Variants in RIMS2 observed in about 807,000 individuals in gnomAD.
The protein encoded by RIMS2 is regulating synaptic membrane exocytosis protein 2.
RIMS2 carries 59 observed loss-of-function variants against 174.4 expected under a neutral mutation model. The ratio of observed to expected loss-of-function variants is 0.34; its 90% confidence interval spans 0.27 to 0.42. The LOEUF (loss-of-function observed/expected upper bound fraction) is 0.42, where lower values mean the gene tolerates loss of function less well. Among genes scored for constraint, RIMS2 ranks in the 10% least tolerant of loss-of-function variants. The pLI is 1.00. For missense variants in RIMS2, 1,620 were observed against 1,666.3 expected (o/e 0.97, Z 0.48); for synonymous variants, 606 against 572.5 (o/e 1.06, Z -0.84).
chr8:103,547,864 C>T (rs530066391), intron 1 of RIMS2, among the ~76,000 whole-genome samples: 38 of 152,222 alleles, frequency 2.5e-4, no homozygotes, highest in Admixed American at 2.3e-3. Context: ...AAAAAACCTT[C>T]AGAAACTATG....
chr8:104,232,635 A>G (rs2099236818), intron 19 of RIMS2, among the ~76,000 whole-genome samples: 1 of 152,186 alleles, frequency 6.6e-6, no homozygotes, highest in African/African-American at 2.4e-5. Flanking sequence ...AGCTTGCACC[A>G]TTGTCAGGAC....
intron 1 of RIMS2, among the ~76,000 whole-genome samples, chr8:103,601,365 A>G (rs2094728739): frequency 6.6e-6 from 1 of 152,152 alleles, no homozygotes; most frequent in African/African-American, 2.4e-5. Flanking sequence ...TTGGTTGCGT[A>G]TATATTTACA....
intron 1 of RIMS2, among the ~76,000 whole-genome samples, chr8:103,581,348 A>C (rs1199083114): frequency 2.6e-5 from 4 of 152,218 alleles, no homozygotes; most frequent in Admixed American, 2.0e-4. Context: ...ATAATACATC[A>C]CATTAAAAGA....
At chr8:103,793,071 A>G (rs1386827439) in intron 3 of RIMS2, among the ~76,000 whole-genome samples, 1 of 152,204 alleles carries the variant, frequency 6.6e-6, no homozygotes, top group East Asian at 1.9e-4. Context: ...AATCCTCCCT[A>G]ACTCATTGTA....
rs184649531 is a variant in RIMS2, at chr8:104,179,504, T to C, written c.3335-65412T>C. ...GAATCCATTTTCACTTGATAAAATA[T>C]GGGATTTTGTGAATAATTTTATATA... On this transcript the variant is annotated intron_variant, in intron 19 of 23. Transcript: ENST00000504942. Among the ~76,000 whole-genome samples, 7 of 152,022 alleles carry C rather than the reference T, an allele frequency of 4.6e-5. No individual in the cohort carries two copies. In the East Asian group the frequency reaches 1.4e-3, roughly 29 times the overall value.
At chr8:103,880,538 A>G (rs937795667) in intron 3 of RIMS2, 9 of 401,400 alleles carry the variant, frequency 2.2e-5, no homozygotes, top group African/African-American at 1.7e-4. Flanking sequence ...ATTGTAAACA[A>G]GTAGAGACTT....
chr8:104,201,669 A>G (rs2099055534), intron 19 of RIMS2, among the ~76,000 whole-genome samples: 1 of 152,160 alleles, frequency 6.6e-6, no homozygotes. Flanking sequence ...GAAATGAGAA[A>G]CATGTTCACT....
chr8:104,065,160 G>T (rs531952359), intron 19 of RIMS2, among the ~76,000 whole-genome samples: 2 of 152,066 alleles, frequency 1.3e-5, no homozygotes, highest in Admixed American at 1.3e-4. Context: ...GGTTTTTGAG[G>T]GCCTTGTATA....
intron 16 of RIMS2, among the ~76,000 whole-genome samples, chr8:103,984,000 C>T (rs759981773): frequency 8.6e-5 from 13 of 151,844 alleles, no homozygotes; most frequent in Admixed American, 2.6e-4. Context: ...GGTGAAACCC[C>T]GTCTCTACTA....
intron 2 of RIMS2, among the ~76,000 whole-genome samples, 181 bp from the exon 5 acceptor site, chr8:103,716,128 A>AT (rs1381330818): frequency 6.6e-6 from 1 of 151,952 alleles, no homozygotes; most frequent in Non-Finnish European, 1.5e-5. Flanking sequence ...CTCCCCTAAA[A>AT]TTTTTTAAAA....
chr8:103,816,786 G>A (rs563257428), intron 3 of RIMS2, among the ~76,000 whole-genome samples: 3 of 152,262 alleles, frequency 2.0e-5, no homozygotes, highest in Admixed American at 6.5e-5. Flanking sequence ...TTGATGTATC[G>A]TTGACTCTTT....
rs73293830 is a variant in RIMS2, at chr8:103,856,328, A to G, written c.699-28970A>G. Among the ~76,000 whole-genome samples the G allele has an allele frequency of 9.1e-4, 138 of 152,274 alleles. 1 individual carries two copies. The highest frequency in any genetic ancestry group is 3.0e-3 in the African/African-American group (125 of 41,566). ...CACATAAGCTGGGTCTCTTGAAGCCAGAGATGGTTGGAGCTTGTCTTTTTA... is the reference window on the plus strand; with the variant it reads ...CACATAAGCTGGGTCTCTTGAAGCCGGAGATGGTTGGAGCTTGTCTTTTTA... On this transcript the variant is annotated intron_variant, in intron 3 of 23. Coordinates refer to ENST00000504942, the Ensembl canonical transcript of RIMS2.
At chr8:103,667,745 C>T (rs1202447919) in intron 1 of RIMS2, among the ~76,000 whole-genome samples, 7 of 152,140 alleles carry the variant, frequency 4.6e-5, no homozygotes, top group African/African-American at 1.7e-4. Flanking sequence ...GATCTGTGAT[C>T]TTTGGAAAGC....
chr8:103,543,935 T>G (rs56305252), intron 1 of RIMS2, among the ~76,000 whole-genome samples: 18,884 of 152,234 alleles, frequency 0.12, 1,267 homozygotes, highest in Middle Eastern at 0.22. Context: ...GTGCAATGAT[T>G]TTTTTAGATA....
At chr8:103,743,346 T>C (rs1052390653) in intron 2 of RIMS2, among the ~76,000 whole-genome samples, 1 of 152,212 alleles carries the variant, frequency 6.6e-6, no homozygotes, top group Non-Finnish European at 1.5e-5. Flanking sequence ...AAAATTATGA[T>C]GACTCCAGAA....
intron 2 of RIMS2, among the ~76,000 whole-genome samples, chr8:103,734,893 C>CA (rs1371189749): frequency 1.3e-5 from 2 of 151,010 alleles, no homozygotes; most frequent in Non-Finnish European, 2.9e-5. Context: ...GTTCTTCTCT[C>CA]AGTTTTCTAA....
chr8:103,734,717 A>G (rs141804693), intron 2 of RIMS2, among the ~76,000 whole-genome samples: 25 of 152,170 alleles, frequency 1.6e-4, no homozygotes, highest in African/African-American at 6.0e-4. Context: ...TGCAAAGTCT[A>G]GCATGTCTGA....
At chr8:103,786,707 G>C (rs1361855350) in intron 3 of RIMS2, among the ~76,000 whole-genome samples, 2 of 152,086 alleles carry the variant, frequency 1.3e-5, no homozygotes, top group Admixed American at 6.5e-5. Context: ...TGTCAGTTTT[G>C]GAATAGCTGT....
intron 4 of RIMS2, among the ~76,000 whole-genome samples, chr8:103,889,150 G>A (rs967079238): frequency 6.6e-6 from 1 of 151,664 alleles, no homozygotes; most frequent in Non-Finnish European, 1.5e-5. Context: ...ACCTTTAGAA[G>A]TATCTAACAT....
Sources: allele counts gnomAD v4.1 joint callset (sites outside exome capture counted in the v4.1 genomes callset), GRCh38; gene constraint gnomAD v4.1.1; transcripts MANE v1.5; gene names NCBI Gene and HGNC (gene_info 2026-07-23, HGNC 2026-07-21).